The following ZNF266 variants were observed in gnomAD, a reference collection of about 807,000 sequenced individuals.
The protein encoded by ZNF266 is zinc finger protein 1.
Under a neutral mutation model 16.4 loss-of-function variants are expected in ZNF266, and 16 were observed. That is an observed-to-expected ratio of 0.98 (90% CI 0.66 to 1.48). The LOEUF is 1.48. Among genes scored for constraint, ZNF266 ranks in the 40% most tolerant of loss-of-function variants. The probability of loss-of-function intolerance (pLI) is 0.00; values close to 1 mark genes in which losing one functional copy is unlikely to be tolerated. For synonymous variants in ZNF266, 262 were observed against 237.9 expected (o/e 1.10, Z -0.93); for missense variants, 738 against 689.1 (o/e 1.07, Z -0.79).
chr19:9,429,962 T>C (rs1340148719), intron 5 of ZNF266, among the ~76,000 whole-genome samples: 1 of 152,120 alleles, frequency 6.6e-6, no homozygotes, highest in Non-Finnish European at 1.5e-5. Context: ...ATTTTTACTT[T>C]TTCCTGCAAA....
chr19:9,427,836 T>C (rs985273933), intron 5 of ZNF266, among the ~76,000 whole-genome samples: 6 of 152,202 alleles, frequency 3.9e-5, no homozygotes, highest in South Asian at 2.1e-4. Flanking sequence ...AAGGAAACTC[T>C]TGACATGTCA....
intron 8 of ZNF266, 24 bp downstream of exon 8, chr19:9,418,481 T>C (rs1466176186): frequency 6.2e-7 from 1 of 1,613,436 alleles, no homozygotes; most frequent in Admixed American, 1.7e-5. Flanking sequence ...CATAGTAGGC[T>C]ACAAGGGATG....
chr19:9,418,608 C>T lies in ZNF266; in HGVS notation c.132G>A (p.Leu44=). The T allele has an allele frequency of 6.5e-7, 1 of 1,527,816 alleles. No homozygotes were observed. The highest frequency in any genetic ancestry group is 1.4e-5 in the African/African-American group (1 of 73,318). The allele number at this position is 1,527,816 out of a possible 1,614,324, so 94.6% of individuals were successfully genotyped here. Residue 44 remains leucine, a synonymous_variant, in exon 8 of 11, where the codon CTG becomes CTA. Coordinates refer to ENST00000592904, the MANE Select transcript of ZNF266 (RefSeq NM_001370374.1). ...CYQDSVTFDD[L]AVDFTPEEWT... ...ATTCTTCTGGGGTGAAGTCCACAGC[C>T]AGATCATCAAAAGTCACTGAATCCT...
chr19:9,422,001 C>G (rs2069987120), intron 5 of ZNF266, among the ~76,000 whole-genome samples: 1 of 152,168 alleles, frequency 6.6e-6, no homozygotes, highest in African/African-American at 2.4e-5. Context: ...TAGGCACCCG[C>G]CACCACACCC....
chr19:9,418,189 C>T (rs907382600), intron 8 of ZNF266, among the ~76,000 whole-genome samples: 13 of 152,202 alleles, frequency 8.5e-5, no homozygotes, highest in African/African-American at 3.1e-4. Context: ...AACAACTATA[C>T]ATCTCATTCT....
chr19:9,430,750 CA>C (rs1263315661), intron 5 of ZNF266, among the ~76,000 whole-genome samples: 8 of 152,124 alleles, frequency 5.3e-5, no homozygotes, highest in Non-Finnish European at 8.8e-5. Context: ...ACCTACTGGC[CA>C]ACATCAGTCA....
In ZNF266 at chr19:9,413,649, G is replaced by A. The variant is rs201877972; in HGVS notation, c.1477C>T (p.His493Tyr). 1.2e-6 allele frequency: 2 copies of A among 1,614,058 alleles called. No individual in the cohort carries two copies. Among genetic ancestry groups the A allele is most frequent in the South Asian group, 1.1e-5 (1 of 91,078 alleles). ...AFAISSNLSGHLRIHTGEKPF... is the reference protein window; with the variant it reads ...AFAISSNLSGYLRIHTGEKPF... ...TTCTCTCCAGTGTGAATTCTCAAAT[G>A]TCCACTAAGATTTGAAGAAATAGCA... Residue 493 changes from histidine (H) to tyrosine (Y), a missense_variant, in exon 11 of 11, where the codon CAT becomes TAT. By Grantham distance (83) the His-to-Tyr change is moderately conservative. Transcript: ENST00000592904.
chr19:9,419,089 G>C (rs1020736017), intron 7 of ZNF266, 128 bp downstream of exon 7: 1 of 157,410 alleles, frequency 6.4e-6, no homozygotes, highest in African/African-American at 2.4e-5. Flanking sequence ...AATTCGACTA[G>C]GGACTCAGTC....
Position 9,418,616 on chromosome 19 carries a change from C to T in ZNF266, c.124G>A (p.Asp42Asn). Residue 42 changes from aspartate (D) to asparagine (N), a missense_variant, in exon 8 of 11, where the codon GAT becomes AAT. Physicochemically the swap from Asp to Asn is conservative, Grantham distance 23. Transcript: ENST00000592904. ...TNCYQDSVTFDDLAVDFTPEE... is the reference protein window; with the variant it reads ...TNCYQDSVTFNDLAVDFTPEE... The stretch of plus-strand genomic sequence containing the variant: ...GGGGTGAAGTCCACAGCCAGATCAT[C>T]AAAAGTCACTGAATCCTAAACCATC... The T allele has an allele frequency of 1.3e-6, 2 of 1,483,260 alleles. No individual in the cohort carries two copies. The highest frequency in any genetic ancestry group is 1.9e-6 in the Non-Finnish European group (2 of 1,060,992). 91.9% of individuals were successfully genotyped at this position (1,483,260 alleles called of 1,614,324 possible).
chr19:9,413,975 G>A lies in ZNF266; in HGVS notation c.1151C>T (p.Thr384Ile), dbSNP rs1406785120. The stretch of plus-strand genomic sequence containing the variant: ...TTCAAAGGGATCCTTTGCAGTGTGA[G>A]TTTTTAAATGTTCAGTAAGTTGAGA... ...RSSQLTEHLK[T>I]HTAKDPFECK... The change falls in exon 11 of 11, where the codon ACT (threonine) becomes ATT (isoleucine). Residue 384 changes from threonine (T) to isoleucine (I), a missense_variant. Coordinates refer to ENST00000592904, the MANE Select transcript of ZNF266 (RefSeq NM_001370374.1). 4.3e-6 allele frequency: 7 copies of A among 1,614,060 alleles called. No homozygotes were observed. In the East Asian group the frequency reaches 8.9e-5, roughly 21 times the overall value.
In ZNF266 at chr19:9,413,399, A is replaced by T. The variant is rs766195437; in HGVS notation, c.1727T>A (p.Leu576Ter). 136 of 1,609,182 alleles carry T rather than the reference A, an allele frequency of 8.5e-5. No individual in the cohort carries two copies. Among genetic ancestry groups the T allele is most frequent in the Non-Finnish European group, 1.1e-4 (135 of 1,178,530 alleles). The change falls in exon 11 of 11, where the codon TTA becomes TAA. Residue 576 changes from leucine to a stop codon, truncating the protein, a stop_gained. Coordinates refer to ENST00000592904, the MANE Select transcript of ZNF266 (RefSeq NM_001370374.1). LOFTEE classifies it low-confidence loss of function (END_TRUNC). ...KSFSYSNSFQLHERTHTGEKP... is the reference protein window; with the variant it reads ...KSFSYSNSFQ ...CTCTCCAGTGTGAGTTCGTTCATGT[A>T]ACTGAAACGAATTGGAGTAACTGAA...
At chr19:9,422,458 A>C (rs1218049889) in intron 5 of ZNF266, among the ~76,000 whole-genome samples, 1 of 152,200 alleles carries the variant, frequency 6.6e-6, no homozygotes, top group East Asian at 1.9e-4. Context: ...TACTCAAAGA[A>C]TGCAAGGGTG....
At chr19:9,434,273 CTACTT>C (rs1177780912) in intron 3 of ZNF266, 38 bp from the exon 4 acceptor site, 3 of 152,170 alleles carry the variant, frequency 2.0e-5, no homozygotes, top group Admixed American at 1.3e-4. Context: ...ATTCTGTCCT[CTACTT>C]TACTTACAGA....
intron 10 of ZNF266, among the ~76,000 whole-genome samples, chr19:9,415,367 A>G (rs1297161213): frequency 2.0e-5 from 3 of 152,236 alleles, no homozygotes; most frequent in Non-Finnish European, 2.9e-5. Context: ...GTCTCTCTCC[A>G]GAGTCATTAT....
At position 9,432,410 on chromosome 19, in the gene ZNF266, A is replaced by G. The variant is rs188401937; in HGVS notation, c.-130+1258T>C. Among the ~76,000 whole-genome samples, 244 of 152,364 alleles carry G rather than the reference A, an allele frequency of 1.6e-3. 4 individuals are homozygous for G. The highest frequency in any genetic ancestry group is 5.5e-3 in the African/African-American group (228 of 41,594). ...ATATGCACATCCTCAGCAACTTTAT[A>G]TCAGAATCCCCATCAATGATTTCAC... On this transcript the variant is annotated intron_variant, in intron 5 of 10. Coordinates refer to ENST00000592904, the MANE Select transcript of ZNF266 (RefSeq NM_001370374.1).
rs761767483 is a variant in ZNF266, at chr19:9,413,392, T to C, written c.1734A>G (p.Glu578=). The change falls in exon 11 of 11, where the codon GAA becomes GAG. Residue 578 remains glutamate (E), a synonymous_variant. Coordinates refer to ENST00000592904, the MANE Select transcript of ZNF266 (RefSeq NM_001370374.1). ...AGGGTTTCTCTCCAGTGTGAGTTCG[T>C]TCATGTAACTGAAACGAATTGGAGT... ...FSYSNSFQLH[E]RTHTGEKPYE... 1 of 1,614,026 alleles carries C rather than the reference T, an allele frequency of 6.2e-7. No homozygotes were observed. The highest frequency in any genetic ancestry group is 8.5e-7 in the Non-Finnish European group (1 of 1,179,974).
intron 5 of ZNF266, among the ~76,000 whole-genome samples, chr19:9,423,592 G>T (rs1238508317): frequency 6.6e-6 from 1 of 152,164 alleles, no homozygotes; most frequent in Non-Finnish European, 1.5e-5. Flanking sequence ...AGGGCCAAAT[G>T]GGGGACAACC....
chr19:9,416,237 G>A (rs369921307), intron 9 of ZNF266, among the ~76,000 whole-genome samples: 2 of 152,080 alleles, frequency 1.3e-5, no homozygotes, highest in African/African-American at 4.8e-5. Context: ...ATTTTACATA[G>A]TTTACTACAA....
chr19:9,431,508 G>A (rs1256328631), intron 5 of ZNF266, among the ~76,000 whole-genome samples: 3 of 152,210 alleles, frequency 2.0e-5, no homozygotes, highest in African/African-American at 4.8e-5. Context: ...CCCAGGCCTT[G>A]CAAACAAAGT....
Sources: gnomAD v4.1 joint callset for allele counts (sites outside exome capture counted in the v4.1 genomes callset) on GRCh38, gnomAD v4.1.1 for gene constraint, MANE v1.5 for transcripts, NCBI Gene and HGNC (gene_info 2026-07-23, HGNC 2026-07-21) for gene names.